RAD54B: variants seen among roughly 807,000 people sequenced by gnomAD.
RAD54B encodes the protein DNA repair and recombination protein RAD54B.
Under a neutral mutation model 95.8 loss-of-function variants are expected in RAD54B, and 78 were observed. That is an observed-to-expected ratio of 0.81 (90% CI 0.68 to 0.98). RAD54B has a LOEUF of 0.98. RAD54B is among the 50% of genes least tolerant of loss of function. RAD54B has a pLI of 0.00. For missense variants in RAD54B, 957 were observed against 1,056.6 expected, an observed-to-expected ratio of 0.91 and a Z score of 1.31; for synonymous variants, 328 against 354.9, an observed-to-expected ratio of 0.92 and a Z score of 0.85.
intron 3 of RAD54B, chr8:94,432,284 A>G: frequency 6.5e-7 from 1 of 1,550,044 alleles, no homozygotes; most frequent in Non-Finnish European, 8.7e-7. Context: ...AATTTTTTTG[A>G]TTTTCTAAAA....
intron 8 of RAD54B, among the ~76,000 whole-genome samples, chr8:94,394,350 T>G (rs185194925): frequency 6.6e-6 from 1 of 152,372 alleles, no homozygotes; most frequent in Admixed American, 6.5e-5. Context: ...TTAGTAATTT[T>G]ACTGTTATTA....
At chr8:94,452,269 C>T (rs923895950) in intron 3 of RAD54B, among the ~76,000 whole-genome samples, 3 of 152,186 alleles carry the variant, frequency 2.0e-5, no homozygotes, top group African/African-American at 7.2e-5. Context: ...GAAACAGAAA[C>T]ATTCAGACCA....
intron 1 of RAD54B, among the ~76,000 whole-genome samples, chr8:94,469,570 A>G (rs1242941719): frequency 6.6e-6 from 1 of 152,226 alleles, no homozygotes; most frequent in African/African-American, 2.4e-5. Context: ...TATAAGCATG[A>G]TATCTTCTTT....
At chr8:94,459,137 T>A (rs1440253870) in intron 2 of RAD54B, among the ~76,000 whole-genome samples, 5 of 152,078 alleles carry the variant, frequency 3.3e-5, no homozygotes, top group Non-Finnish European at 5.9e-5. Context: ...CTATGTTGGG[T>A]TTTTTTAACA....
intron 3 of RAD54B, among the ~76,000 whole-genome samples, chr8:94,455,962 G>T (rs1405528520): frequency 6.6e-6 from 1 of 152,110 alleles, no homozygotes; most frequent in African/African-American, 2.4e-5. Context: ...CAAGGCTTAG[G>T]ACTTTAACAT....
In RAD54B at chr8:94,372,112, T is replaced by C; in HGVS notation, c.*58A>G. The C allele has an allele frequency of 2.0e-6, 3 of 1,514,890 alleles. No individual in the cohort carries two copies. The highest frequency in any genetic ancestry group is 2.6e-6 in the Non-Finnish European group (3 of 1,140,488). The allele number at this position is 1,514,890 out of a possible 1,614,324, so 93.8% of individuals were successfully genotyped here. A position where few individuals can be genotyped will look rare whatever the true frequency, so the allele number is the denominator to read the frequency against. On this transcript the variant is annotated 3_prime_UTR_variant, in exon 15 of 15. Coordinates refer to ENST00000336148, the MANE Select transcript of RAD54B (RefSeq NM_012415.3). Reference sequence around the variant, plus strand: ...TTCTATTAATTTTCAAAAAGTACATTTAATTACCATACTAATTTTCAAAAG... The same window carrying C: ...TTCTATTAATTTTCAAAAAGTACATCTAATTACCATACTAATTTTCAAAAG...
chr8:94,417,776 A>G (rs1215564299), intron 3 of RAD54B, among the ~76,000 whole-genome samples: 1 of 152,162 alleles, frequency 6.6e-6, no homozygotes, highest in Non-Finnish European at 1.5e-5. Context: ...ATTTATCACT[A>G]CTAGAATTCA....
chr8:94,428,190 C>T (rs770005971), intron 3 of RAD54B: 23 of 841,442 alleles, frequency 2.7e-5, no homozygotes, highest in Non-Finnish European at 3.1e-5. Flanking sequence ...AATCTATATA[C>T]TTAGTATATT....
chr8:94,468,850 T>C (rs1030908200), intron 1 of RAD54B, among the ~76,000 whole-genome samples: 1 of 150,746 alleles, frequency 6.6e-6, no homozygotes, highest in Non-Finnish European at 1.5e-5. Context: ...TAAGAGGAGC[T>C]TGGTGGTGCA....
rs748255130 is a variant in RAD54B, at chr8:94,467,476, G to T, written c.64C>A (p.Pro22Thr). The part of the protein sequence containing the change: ...GNSFKKPKFI[P>T]PGRSNPGLNE... ...AGACCTGGATTACTTCTTCCTGGAG[G>T]TATAAATTTTGGTTTTTTGAAGGAA... Residue 22 changes from proline to threonine, a missense_variant, in exon 2 of 15, where the codon CCT becomes ACT. Coordinates refer to ENST00000336148, the MANE Select transcript of RAD54B (RefSeq NM_012415.3). The T allele has an allele frequency of 1.9e-6, 3 of 1,613,464 alleles. No homozygotes were observed. The highest frequency in any genetic ancestry group is 2.5e-6 in the Non-Finnish European group (3 of 1,179,752).
At chr8:94,425,229 C>CTT (rs34018801) in intron 3 of RAD54B, among the ~76,000 whole-genome samples, 52 of 114,920 alleles carry the variant, frequency 4.5e-4, no homozygotes, top group East Asian at 4.3e-3. Flanking sequence ...CTTTAATATT[C>CTT]TTTTTTTTTT....
intron 1 of RAD54B, among the ~76,000 whole-genome samples, chr8:94,470,281 T>C (rs1813137780): frequency 6.6e-6 from 1 of 151,330 alleles, no homozygotes; most frequent in Admixed American, 6.6e-5. Flanking sequence ...GCTAACATGG[T>C]GAAACCCCGT....
chr8:94,392,990 A>C (rs983676488), intron 9 of RAD54B, among the ~76,000 whole-genome samples: 2 of 150,386 alleles, frequency 1.3e-5, no homozygotes, highest in Non-Finnish European at 3.0e-5. Context: ...TGCCCAGCTA[A>C]TTTTTGTATT....
Position 94,391,697 on chromosome 8 carries a change from C to T in RAD54B, c.1721G>A (p.Gly574Glu), listed in dbSNP as rs541067226. ...TAGATGGGGACTATTTTCCAACAACCCTTGAAGGCAGAACCTGACAACCTG... is the reference window on the plus strand; with the variant it reads ...TAGATGGGGACTATTTTCCAACAACTCTTGAAGGCAGAACCTGACAACCTG... ...NSQVVRFCLQ[G>E]LLENSPHLIC... Residue 574 changes from glycine (G) to glutamate (E), a missense_variant, in exon 10 of 15, where the codon GGG becomes GAG. Gly to Glu is a moderately conservative substitution (Grantham distance 98). Coordinates refer to ENST00000336148, the MANE Select transcript of RAD54B (RefSeq NM_012415.3). 1.5e-5 allele frequency: 25 copies of T among 1,613,894 alleles called. No homozygotes were observed. In the East Asian group the frequency reaches 2.2e-4, roughly 14 times the overall value.
At position 94,380,361 on chromosome 8, in the gene RAD54B, T is replaced by C. The variant is rs748421228; in HGVS notation, c.2031A>G (p.Gln677=). 48 of 1,613,690 alleles carry C rather than the reference T, an allele frequency of 3.0e-5. No individual in the cohort carries two copies. The highest frequency in any genetic ancestry group is 2.7e-5 in the African/African-American group (2 of 74,944). Residue 677 remains glutamine, a synonymous_variant, in exon 12 of 15, where the codon CAA becomes CAG. Transcript: ENST00000336148. ...CATATCCATGACGCTTACATACTTC[T>C]TGTAAAATGTTCAAGGTTTGTGTAT... ...SNYTQTLNIL[Q]EVCKRHGYAY... is the part of the protein sequence containing the mutation.
At chr8:94,410,669 G>A (rs903873084) in intron 4 of RAD54B, among the ~76,000 whole-genome samples, 4 of 152,016 alleles carry the variant, frequency 2.6e-5, no homozygotes, top group African/African-American at 7.2e-5. Context: ...TGTTAATCTA[G>A]GTCAGGCCTA....
chr8:94,407,513 CA>C lies in RAD54B; in HGVS notation c.706del (p.Cys236ValfsTer51). The C allele has an allele frequency of 6.2e-7, 1 of 1,613,950 alleles. No individual in the cohort carries two copies. Among genetic ancestry groups the C allele is most frequent in the Non-Finnish European group, 8.5e-7 (1 of 1,179,902 alleles). ...TCTATTTTCCTTTGAACTTGGTTTA[CA>C]AACACTTTTGAAAGGGTTAGAGAAA... ...KCFSNPFKSVCKPSSKENRQN... is the reference protein window; with the variant it reads ...KCFSNPFKSVXKPSSKENRQN... On this transcript the variant is annotated frameshift_variant, in exon 5 of 15. Transcript: ENST00000336148. LOFTEE classifies it high-confidence loss of function.
rs34552024 is a variant in RAD54B, at chr8:94,383,284, C to CAAAAA, written c.1986-2883_1986-2879dup. 1.8e-3 allele frequency among the ~76,000 whole-genome samples: 151 copies of CAAAAA among 82,664 alleles called. 3 individuals carry two copies. The highest frequency in any genetic ancestry group is 2.5e-3 in the Non-Finnish European group (114 of 45,108). The allele number at this position is 82,664 out of a possible 152,430, so 54.2% of individuals were successfully genotyped here. On this transcript the variant is annotated intron_variant, in intron 11 of 14. Transcript: ENST00000336148. ...TGGGCAACAGAGCAAGACTCCATCT[C>CAAAAA]AAAAAAAAAAAAAAAAAAAGCCCCA...
At chr8:94,457,690 T>C (rs941679460) in intron 3 of RAD54B, among the ~76,000 whole-genome samples, 3 of 152,216 alleles carry the variant, frequency 2.0e-5, no homozygotes, top group Non-Finnish European at 2.9e-5. Flanking sequence ...ATGATGGCTT[T>C]CACAAGACCA....
Sources: gnomAD v4.1 joint callset for allele counts (sites outside exome capture counted in the v4.1 genomes callset) on GRCh38, gnomAD v4.1.1 for gene constraint, MANE v1.5 for transcripts, NCBI Gene and HGNC (gene_info 2026-07-23, HGNC 2026-07-21) for gene names.